Variants in DOK5 observed in about 807,000 individuals in gnomAD.
DOK5 encodes downstream of tyrosine kinase 5.
Under a neutral mutation model 43.3 loss-of-function variants are expected in DOK5, and 27 were observed. The observed-to-expected ratio is 0.62, with a 90% CI of 0.46 to 0.86. The LOEUF is 0.86. Among genes scored for constraint, DOK5 ranks in the 40% least tolerant of loss-of-function variants. DOK5 has a pLI of 0.00. For synonymous variants in DOK5, 146 were observed against 140.1 expected, an observed-to-expected ratio of 1.04 and a Z score of -0.30; for missense variants, 373 against 392.9, an observed-to-expected ratio of 0.95 and a Z score of 0.43.
intron 4 of DOK5, among the ~76,000 whole-genome samples, chr20:54,589,009 A>T (rs1437067961): frequency 6.6e-6 from 1 of 152,206 alleles, no homozygotes; most frequent in East Asian, 1.9e-4. Flanking sequence ...ACATGAATGT[A>T]TCTACATTAA....
At position 54,588,590 on chromosome 20, in the gene DOK5, C is replaced by G; in HGVS notation, c.282C>G (p.Cys94Trp). 6.2e-7 allele frequency: 1 copy of G among 1,614,110 alleles called. No homozygotes were observed. Among genetic ancestry groups the G allele is most frequent in the Non-Finnish European group, 8.5e-7 (1 of 1,179,970 alleles). ...FNDDTSKTFA[C>W]ESDLEADEWC... The stretch of plus-strand genomic sequence containing the variant: ...ACGATACCTCCAAGACTTTTGCTTG[C>G]GAATCAGGTTTGTCTCAGGCAGGGC... The change falls in exon 3 of 8, where the codon TGC becomes TGG. Residue 94 changes from cysteine to tryptophan, a missense_variant. Cys to Trp is a radical substitution (Grantham distance 215). Coordinates refer to ENST00000262593, the MANE Select transcript of DOK5 (RefSeq NM_018431.5).
chr20:54,511,123 CT>C (rs1265138009), intron 1 of DOK5, among the ~76,000 whole-genome samples: 3 of 152,170 alleles, frequency 2.0e-5, no homozygotes, highest in Non-Finnish European at 4.4e-5. Flanking sequence ...AATGAGGGTG[CT>C]TTAAGTCACA....
chr20:54,482,940 A>T (rs1981780106), intron 1 of DOK5, among the ~76,000 whole-genome samples: 2 of 152,214 alleles, frequency 1.3e-5, no homozygotes, highest in Non-Finnish European at 2.9e-5. Context: ...ACCAGTAGGG[A>T]AATTTATGGC....
chr20:54,569,216 G>A (rs1985204158), intron 2 of DOK5, among the ~76,000 whole-genome samples: 1 of 152,076 alleles, frequency 6.6e-6, no homozygotes, highest in African/African-American at 2.4e-5. Context: ...GGACACATTT[G>A]GTGAGCCTGT....
At chr20:54,498,056 A>G (rs1031399709) in intron 1 of DOK5, among the ~76,000 whole-genome samples, 14 of 152,226 alleles carry the variant, frequency 9.2e-5, no homozygotes, top group African/African-American at 3.4e-4. Context: ...GACATCATCC[A>G]GTAACATCAC....
intron 6 of DOK5, among the ~76,000 whole-genome samples, chr20:54,628,644 T>C (rs993538327): frequency 6.6e-6 from 1 of 152,036 alleles, no homozygotes; most frequent in Non-Finnish European, 1.5e-5. Context: ...GAGGAACTGG[T>C]TACTGCCACT....
chr20:54,593,737 A>G (rs1040541450), intron 5 of DOK5, among the ~76,000 whole-genome samples: 1 of 152,232 alleles, frequency 6.6e-6, no homozygotes, highest in Non-Finnish European at 1.5e-5. Context: ...AAAGACATGG[A>G]ATCAACCCAA....
chr20:54,533,095 C>G lies in DOK5; in HGVS notation c.67-21838C>G, dbSNP rs78211387. Among the ~76,000 whole-genome samples, 46 of 152,272 alleles carry G rather than the reference C, an allele frequency of 3.0e-4. No homozygotes were observed. The East Asian group carries it at 8.3e-3, about 27-fold the overall frequency. The stretch of plus-strand genomic sequence containing the variant: ...GATAATGGCTTTAATTTTGAGAATC[C>G]TCTTCTTTGCCTAATGCCTTCCTTT... On this transcript the variant is annotated intron_variant, in intron 1 of 7. Coordinates refer to ENST00000262593, the MANE Select transcript of DOK5 (RefSeq NM_018431.5).
At chr20:54,496,243 T>C (rs1982386472) in intron 1 of DOK5, among the ~76,000 whole-genome samples, 1 of 152,208 alleles carries the variant, frequency 6.6e-6, no homozygotes, top group African/African-American at 2.4e-5. Flanking sequence ...TAAATAGGTG[T>C]CATGAATACA....
chr20:54,558,107 G>A (rs1169839013), intron 2 of DOK5, among the ~76,000 whole-genome samples: 3 of 152,190 alleles, frequency 2.0e-5, no homozygotes, highest in Non-Finnish European at 4.4e-5. Context: ...GAAGAAATCT[G>A]TACTTGAGGC....
At chr20:54,602,101 G>A (rs1030108376) in intron 5 of DOK5, among the ~76,000 whole-genome samples, 8 of 152,096 alleles carry the variant, frequency 5.3e-5, no homozygotes, top group East Asian at 1.9e-4. Context: ...TGCCTCTCTC[G>A]TGAGGTTTTC....
chr20:54,599,487 T>G (rs183321021), intron 5 of DOK5, among the ~76,000 whole-genome samples: 1 of 152,364 alleles, frequency 6.6e-6, no homozygotes, highest in East Asian at 1.9e-4. Context: ...GTTTCATTAT[T>G]GCATGTCTAC....
At chr20:54,643,968 T>C (rs554790355) in intron 7 of DOK5, among the ~76,000 whole-genome samples, 2 of 152,218 alleles carry the variant, frequency 1.3e-5, no homozygotes, top group East Asian at 3.9e-4. Flanking sequence ...AATCACAGCA[T>C]CAGCATTACT....
At chr20:54,574,529 C>T (rs559635901) in intron 2 of DOK5, among the ~76,000 whole-genome samples, 1 of 152,246 alleles carries the variant, frequency 6.6e-6, no homozygotes, top group South Asian at 2.1e-4. Context: ...GTGAGCTAAA[C>T]AGGCAGAGTA....
intron 1 of DOK5, among the ~76,000 whole-genome samples, chr20:54,476,896 T>C (rs1490251405): frequency 6.6e-6 from 1 of 152,110 alleles, no homozygotes; most frequent in Non-Finnish European, 1.5e-5. Flanking sequence ...GAAGAATTCT[T>C]GAGGGAGAGG....
At chr20:54,632,942 T>C (rs935190600) in intron 6 of DOK5, among the ~76,000 whole-genome samples, 6 of 151,998 alleles carry the variant, frequency 3.9e-5, no homozygotes, top group African/African-American at 4.8e-5. Flanking sequence ...CCAGGCGTGG[T>C]GGTGCGTCCC....
intron 2 of DOK5, among the ~76,000 whole-genome samples, chr20:54,571,565 A>G (rs1985282057): frequency 6.6e-6 from 1 of 152,008 alleles, no homozygotes; most frequent in Non-Finnish European, 1.5e-5. Flanking sequence ...GACCAACCAG[A>G]TGCCAGTACA....
rs1979648650 is a variant in DOK5, at chr20:54,650,537, G to C, written c.*58G>C. The stretch of plus-strand genomic sequence containing the variant: ...GATGTGTCAGCCACAGATTCACCCA[G>C]GAGGTCACAGAATGACAGCAAGGGA... On this transcript the variant is annotated 3_prime_UTR_variant, in exon 8 of 8. Transcript: ENST00000262593. The C allele has an allele frequency of 6.5e-7, 1 of 1,534,570 alleles. No homozygotes were observed.
At position 54,541,815 on chromosome 20, in the gene DOK5, TCTC is replaced by T. The variant is rs766229899; in HGVS notation, c.67-13115_67-13113del. Among the ~76,000 whole-genome samples the T allele has an allele frequency of 5.3e-5, 8 of 152,166 alleles. 1 individual carries two copies. Among genetic ancestry groups the T allele is most frequent in the Non-Finnish European group, 8.8e-5 (6 of 68,004 alleles). On this transcript the variant is annotated intron_variant, in intron 1 of 7. Coordinates refer to ENST00000262593, the MANE Select transcript of DOK5 (RefSeq NM_018431.5). ...ACCACCACTGCCAGCCCTGAACTCT[TCTC>T]CTATCTTCAAGCTTCTTTATTCTCC... is the stretch of plus-strand genomic sequence containing the variant.
Sources: allele counts gnomAD v4.1 joint callset (sites outside exome capture counted in the v4.1 genomes callset), GRCh38; gene constraint gnomAD v4.1.1; transcripts MANE v1.5; gene names NCBI Gene and HGNC (gene_info 2026-07-23, HGNC 2026-07-21).